NLN: variants seen among roughly 807,000 people sequenced by gnomAD.
NLN encodes neurolysin, mitochondrial.
NLN carries 64 observed loss-of-function variants against 79.9 expected under a neutral mutation model. The observed-to-expected ratio is 0.80, with a 90% CI of 0.65 to 0.99. NLN has a LOEUF of 0.99. Ranked by LOEUF, NLN falls within the 50% of genes least tolerant of loss-of-function variation. The pLI is 0.00. For missense variants in NLN, 835 were observed against 858.7 expected, an observed-to-expected ratio of 0.97 and a Z score of 0.34; for synonymous variants, 267 against 296.6, an observed-to-expected ratio of 0.90 and a Z score of 1.02.
chr5:65,809,838 A>G (rs1306433496), intron 10 of NLN, 137 bp downstream of exon 10: 1 of 946,302 alleles, frequency 1.1e-6, no homozygotes, highest in Non-Finnish European at 1.5e-6. Flanking sequence ...AGAACATTAA[A>G]TATATTGGAA....
rs1210278337 is a variant in NLN at position 65,818,310 on chromosome 5, TATTTA to T, written c.1981-4462_1981-4458del. On this transcript the variant is annotated intron_variant, in intron 12 of 12. Transcript: ENST00000380985. ...TGGGTTCCCTTCTCTGCTTCACAAC[TATTTA>T]ATTTAATTAATGTTTTACATATTTG... 2.6e-5 allele frequency among the ~76,000 whole-genome samples: 4 copies of T among 152,346 alleles called. No homozygotes were observed. In the South Asian group the frequency reaches 6.2e-4, roughly 24 times the overall value.
chr5:65,809,441 A>T, intron 9 of NLN, 74 bp from the exon 10 acceptor site: 1 of 1,287,306 alleles, frequency 7.8e-7, no homozygotes, highest in Non-Finnish European at 1.1e-6. Context: ...AGTTTTCGTG[A>T]CTCTTAATAA....
At chr5:65,788,988 A>C (rs1427743108) in intron 8 of NLN, among the ~76,000 whole-genome samples, 1 of 151,834 alleles carries the variant, frequency 6.6e-6, no homozygotes, top group African/African-American at 2.4e-5. Flanking sequence ...AAAAAAATGA[A>C]AAATTAGCCA....
chr5:65,810,269 T>G (rs1032968923), intron 11 of NLN, 104 bp downstream of exon 11: 3 of 985,792 alleles, frequency 3.0e-6, no homozygotes, highest in East Asian at 5.2e-5. Flanking sequence ...CCTAATTGTT[T>G]CTGATTTCTG....
intron 3 of NLN, among the ~76,000 whole-genome samples, chr5:65,768,893 G>A (rs1341271358): frequency 6.6e-6 from 1 of 152,208 alleles, no homozygotes; most frequent in Middle Eastern, 3.2e-3. Flanking sequence ...CCTGCCAAAA[G>A]CCTATTTACA....
intron 1 of NLN, among the ~76,000 whole-genome samples, chr5:65,731,742 CTTTTTTTTTTT>C (rs761722243): frequency 3.2e-5 from 2 of 61,990 alleles, no homozygotes; most frequent in African/African-American, 6.4e-5. Flanking sequence ...CCTACATTTT[CTTTTTTTTTTT>C]TTTTTTTTTT....
chr5:65,812,977 T>G (rs892279307), intron 12 of NLN, among the ~76,000 whole-genome samples: 5 of 152,212 alleles, frequency 3.3e-5, no homozygotes, highest in African/African-American at 1.2e-4. Flanking sequence ...CAATCTCCAT[T>G]CTCATTGAAG....
intron 1 of NLN, chr5:65,740,870 CTTT>C (rs35913094): frequency 1.9e-3 from 244 of 126,632 alleles, no homozygotes; most frequent in East Asian, 4.2e-3. Context: ...ATACGTAATT[CTTT>C]TTTTTTTTTT....
chr5:65,788,205 G>A lies in NLN; in HGVS notation c.1046G>A (p.Gly349Asp). ...NLKKKECKDR[G>D]FEYDGKINAW... is the part of the protein sequence containing the mutation. ...AAGAAAAAGGAATGCAAAGACAGGG[G>A]TTTTGAATATGATGGGAAAATCAAT... is the stretch of plus-strand genomic sequence containing the variant. Residue 349 changes from glycine (G) to aspartate (D), a missense_variant, in exon 8 of 13, where the codon GGT becomes GAT. By Grantham distance (94) the Gly-to-Asp change is moderately conservative. Coordinates refer to ENST00000380985, the MANE Select transcript of NLN (RefSeq NM_020726.5). 3 of 1,614,074 alleles carry A rather than the reference G, an allele frequency of 1.9e-6. No individual in the cohort carries two copies. Among genetic ancestry groups the A allele is most frequent in the Non-Finnish European group, 2.5e-6 (3 of 1,179,940 alleles).
chr5:65,793,829 C>G (rs1339722198), intron 9 of NLN, among the ~76,000 whole-genome samples: 3 of 152,102 alleles, frequency 2.0e-5, no homozygotes, highest in Non-Finnish European at 4.4e-5. Context: ...CTGTATACCC[C>G]TCAGCCTCTC....
intron 1 of NLN, among the ~76,000 whole-genome samples, chr5:65,728,253 ATT>A (rs763233642): frequency 1.3e-3 from 193 of 152,054 alleles, no homozygotes; most frequent in Non-Finnish European, 2.2e-3. Flanking sequence ...TAAATATGAT[ATT>A]GTTATTCTTT....
chr5:65,785,141 A>G (rs1451428070), intron 6 of NLN, among the ~76,000 whole-genome samples: 3 of 152,142 alleles, frequency 2.0e-5, no homozygotes, highest in Non-Finnish European at 1.5e-5. Context: ...ACATGGGTGT[A>G]TAGATCTCTC....
At chr5:65,730,870 T>C (rs1236596147) in intron 1 of NLN, among the ~76,000 whole-genome samples, 1 of 152,168 alleles carries the variant, frequency 6.6e-6, no homozygotes, top group Non-Finnish European at 1.5e-5. Flanking sequence ...CCTTTTAAGA[T>C]TGAAACAAAT....
chr5:65,783,119 T>C (rs752680376), intron 6 of NLN, among the ~76,000 whole-genome samples: 3 of 151,988 alleles, frequency 2.0e-5, no homozygotes, highest in Non-Finnish European at 4.4e-5. Context: ...TTCCAGAAAG[T>C]AGATTAGAGG....
rs151303282 is a variant in NLN, at chr5:65,785,895, G to C, written c.943G>C (p.Val315Leu). 1.2e-6 allele frequency: 2 copies of C among 1,611,390 alleles called. No individual in the cohort carries two copies. The highest frequency in any genetic ancestry group is 1.7e-6 in the Non-Finnish European group (2 of 1,178,840). The change falls in exon 7 of 13, where the codon GTA (valine) becomes CTA (leucine). Residue 315 changes from valine (V) to leucine (L), a missense_variant. Physicochemically the swap from Val to Leu is conservative, Grantham distance 32. Coordinates refer to ENST00000380985, the MANE Select transcript of NLN (RefSeq NM_020726.5). Reference protein sequence around the residue: ...EMNTAKSTSRVTAFLDDLSQK... With the variant: ...EMNTAKSTSRLTAFLDDLSQK... The stretch of plus-strand genomic sequence containing the variant: ...GAACACTGCAAAGAGCACAAGCCGC[G>C]TAACAGCCTTTCTAGGTTAGTTCTT...
In NLN at chr5:65,792,478, C is replaced by T; in HGVS notation, c.1350C>T (p.Ala450=). 1 of 1,613,988 alleles carries T rather than the reference C, an allele frequency of 6.2e-7. No individual in the cohort carries two copies. The highest frequency in any genetic ancestry group is 8.5e-7 in the Non-Finnish European group (1 of 1,179,888). ...YPREGKYNHA[A]CFGLQPGCLL... is the part of the protein sequence containing the mutation. ...GGGAAGGAAAATACAATCATGCGGC[C>T]TGCTTCGGTCTCCAGCCTGGCTGCC... The change falls in exon 9 of 13, where the codon GCC becomes GCT. Residue 450 remains alanine (A), a synonymous_variant. Transcript: ENST00000380985.
intron 1 of NLN, among the ~76,000 whole-genome samples, chr5:65,738,988 T>TATATAAATATATAA (rs1554028926): frequency 8.4e-6 from 1 of 118,454 alleles, no homozygotes; most frequent in Non-Finnish European, 1.8e-5. Flanking sequence ...TATTATATAT[T>TATATAAATATATAA]TATATATATT....
At chr5:65,762,538 T>C (rs1759360585) in intron 2 of NLN, among the ~76,000 whole-genome samples, 2 of 151,884 alleles carry the variant, frequency 1.3e-5, no homozygotes, top group African/African-American at 4.8e-5. Flanking sequence ...ATATAAAAAT[T>C]AGCTGAGTGT....
chr5:65,790,953 T>G (rs1165440356), intron 8 of NLN, among the ~76,000 whole-genome samples: 1 of 152,208 alleles, frequency 6.6e-6, no homozygotes, highest in African/African-American at 2.4e-5. Flanking sequence ...TACTGAGAGA[T>G]CTGGTCATTG....
Sources: allele counts gnomAD v4.1 joint callset (sites outside exome capture counted in the v4.1 genomes callset), GRCh38; gene constraint gnomAD v4.1.1; transcripts MANE v1.5; gene names NCBI Gene and HGNC (gene_info 2026-07-23, HGNC 2026-07-21).